TCF7L2: variants seen among roughly 807,000 people sequenced by gnomAD.
The protein encoded by TCF7L2 is transcription factor 7 like 2.
A neutral mutation model predicts 77.9 loss-of-function variants in TCF7L2; 23 were observed. The ratio of observed to expected loss-of-function variants is 0.30; its 90% CI spans 0.21 to 0.42. The LOEUF is 0.42. Among genes scored for constraint, TCF7L2 ranks in the 10% least tolerant of loss-of-function variants. TCF7L2 has a pLI of 1.00. For missense variants in TCF7L2, 654 were observed against 793.1 expected (o/e 0.82, Z 2.11); for synonymous variants, 413 against 340.2 (o/e 1.21, Z -2.36).
chr10:112,957,659 T>C lies in TCF7L2; in HGVS notation c.381+6052T>C, dbSNP rs146479796. On this transcript the variant is annotated intron_variant, in intron 3 of 13. Transcript: ENST00000627217. The stretch of plus-strand genomic sequence containing the variant: ...CGTGGGAGTACCCTGGGCTGGGCTA[T>C]TAAAAAGGGATATTGCTTTGCTCAG... 6.5e-3 allele frequency among the ~76,000 whole-genome samples: 982 copies of C among 152,182 alleles called. 45 individuals carry two copies. Among genetic ancestry groups the C allele is most frequent in the Admixed American group, 0.057 (866 of 15,280 alleles).
chr10:112,978,179 A>C (rs1327400816), intron 4 of TCF7L2, among the ~76,000 whole-genome samples: 1 of 152,204 alleles, frequency 6.6e-6, no homozygotes, highest in Non-Finnish European at 1.5e-5. Context: ...AGGGATTATT[A>C]TTTTGAAATA....
At chr10:113,101,841 T>A (rs1408523275) in intron 5 of TCF7L2, among the ~76,000 whole-genome samples, 47 of 5,608 alleles carry the variant, frequency 8.4e-3, no homozygotes, top group African/African-American at 0.023. Context: ...AGACTCCGTC[T>A]CAAAAAAAAA....
chr10:113,034,924 CT>C (rs1346976449), intron 4 of TCF7L2, among the ~76,000 whole-genome samples: 3 of 151,998 alleles, frequency 2.0e-5, no homozygotes, highest in Non-Finnish European at 4.4e-5. Flanking sequence ...TTTGTCTTTT[CT>C]TTACTTTTTT....
chr10:112,963,165 T>G (rs2035737136), intron 3 of TCF7L2, among the ~76,000 whole-genome samples: 1 of 152,226 alleles, frequency 6.6e-6, no homozygotes, highest in Non-Finnish European at 1.5e-5. Context: ...CAGAGCCCAC[T>G]GCATCCTAAA....
intron 4 of TCF7L2, among the ~76,000 whole-genome samples, chr10:113,014,762 G>T (rs1372576202): frequency 6.6e-6 from 1 of 152,124 alleles, no homozygotes; most frequent in Non-Finnish European, 1.5e-5. Flanking sequence ...CTCCAGCCTG[G>T]GCGACAGAGC....
At chr10:113,010,817 C>T (rs2046334691) in intron 4 of TCF7L2, among the ~76,000 whole-genome samples, 1 of 152,148 alleles carries the variant, frequency 6.6e-6, no homozygotes, top group African/African-American at 2.4e-5. Context: ...AGTTCCAGAC[C>T]AGCTTGGGCA....
rs71007412 is a variant in TCF7L2, at chr10:113,101,842, C to CA, written c.553-39327dup. Among the ~76,000 whole-genome samples the CA allele has an allele frequency of 4.8e-4, 22 of 45,992 alleles. 1 individual carries two copies. Among genetic ancestry groups the CA allele is most frequent in the South Asian group, 3.0e-3 (3 of 984 alleles). 30.2% of individuals were successfully genotyped at this position (45,992 alleles called of 152,430 possible). A position where few individuals can be genotyped will look rare whatever the true frequency, so the allele number is the denominator to read the frequency against. On this transcript the variant is annotated intron_variant, in intron 5 of 13. Transcript: ENST00000627217. ...TGGGCGACAGAGCGAGACTCCGTCTCAAAAAAAAAAAAAAAGAGAGGTGTG... is the reference window on the plus strand; with the variant it reads ...TGGGCGACAGAGCGAGACTCCGTCTCAAAAAAAAAAAAAAAAGAGAGGTGTG...
chr10:113,110,763 T>C (rs1430651609), intron 5 of TCF7L2, among the ~76,000 whole-genome samples: 1 of 152,246 alleles, frequency 6.6e-6, no homozygotes, highest in Non-Finnish European at 1.5e-5. Flanking sequence ...CTATGCTATG[T>C]ACTGGGTCAA....
intron 5 of TCF7L2, among the ~76,000 whole-genome samples, chr10:113,080,113 A>G (rs1157033952): frequency 2.0e-5 from 3 of 151,884 alleles, no homozygotes; most frequent in African/African-American, 7.3e-5. Flanking sequence ...TGCACACACA[A>G]TTTAGGGTTT....
chr10:113,099,940 A>G lies in TCF7L2; in HGVS notation c.553-41244A>G, dbSNP rs540195925. On this transcript the variant is annotated intron_variant, in intron 5 of 13. Transcript: ENST00000627217. ...ATCTAAAATCACTTCAGGATCAGGA[A>G]AAAGCAAAAACATTATAACTGCCCT... 1.6e-4 allele frequency among the ~76,000 whole-genome samples: 25 copies of G among 152,246 alleles called. No homozygotes were observed. The South Asian group carries it at 5.2e-3, about 32-fold the overall frequency.
intron 5 of TCF7L2, among the ~76,000 whole-genome samples, chr10:113,088,211 T>G (rs751168130): frequency 9.2e-5 from 14 of 152,172 alleles, no homozygotes; most frequent in Non-Finnish European, 1.5e-4. Flanking sequence ...CAAGTTGTTT[T>G]TTACAGCCCT....
chr10:112,992,657 A>G (rs2042777300), intron 4 of TCF7L2, among the ~76,000 whole-genome samples: 1 of 152,030 alleles, frequency 6.6e-6, no homozygotes, highest in Non-Finnish European at 1.5e-5. Flanking sequence ...TTCTCGAGGA[A>G]GACTCCATGC....
intron 5 of TCF7L2, among the ~76,000 whole-genome samples, chr10:113,136,750 A>G (rs1160503034): frequency 6.6e-6 from 1 of 152,208 alleles, no homozygotes; most frequent in Admixed American, 6.5e-5. Flanking sequence ...CCCCATGGAT[A>G]GTTGCTGCTA....
chr10:113,085,455 C>G (rs1331420901), intron 5 of TCF7L2, among the ~76,000 whole-genome samples: 1 of 152,028 alleles, frequency 6.6e-6, no homozygotes, highest in African/African-American at 2.4e-5. Flanking sequence ...CTTTTTACCT[C>G]TTTCTATACT....
intron 4 of TCF7L2, among the ~76,000 whole-genome samples, chr10:112,988,904 T>C (rs2135410527): frequency 6.6e-6 from 1 of 152,252 alleles, no homozygotes; most frequent in African/African-American, 2.4e-5. Context: ...TTAAACATCA[T>C]CCCCGTTATA....
intron 7 of TCF7L2, among the ~76,000 whole-genome samples, chr10:113,144,832 A>G (rs2069038817): frequency 6.6e-6 from 1 of 152,196 alleles, no homozygotes; most frequent in African/African-American, 2.4e-5. Flanking sequence ...CCTTTGATGC[A>G]TTAGCATACT....
intron 4 of TCF7L2, among the ~76,000 whole-genome samples, chr10:112,983,136 T>TG (rs1564742719): frequency 6.9e-6 from 1 of 143,994 alleles, no homozygotes; most frequent in African/African-American, 2.5e-5. Context: ...TGTTTTTTTG[T>TG]TTTTTTTTTG....
chr10:113,089,919 A>G (rs747440681), intron 5 of TCF7L2, among the ~76,000 whole-genome samples: 7 of 152,132 alleles, frequency 4.6e-5, no homozygotes, highest in Non-Finnish European at 8.8e-5. Flanking sequence ...AATGGAGGAG[A>G]AGTTACCACC....
At chr10:112,954,018 C>T (rs1332949522) in intron 3 of TCF7L2, among the ~76,000 whole-genome samples, 1 of 152,192 alleles carries the variant, frequency 6.6e-6, no homozygotes, top group Admixed American at 6.5e-5. Context: ...GGCTGGTCAG[C>T]AGAGCAGTGG....
Sources: gnomAD v4.1 joint callset for allele counts (sites outside exome capture counted in the v4.1 genomes callset) on GRCh38, gnomAD v4.1.1 for gene constraint, MANE v1.5 for transcripts, NCBI Gene and HGNC (gene_info 2026-07-23, HGNC 2026-07-21) for gene names.